The following FHIT variants were observed in gnomAD, a reference collection of about 807,000 sequenced individuals.
The protein encoded by FHIT is bis(5'-adenosyl)-triphosphatase.
In FHIT, 19 loss-of-function variants were observed where a neutral mutation model predicts 17.9. That is an observed-to-expected ratio of 1.06 (90% CI 0.74 to 1.56). The LOEUF is 1.56. Among genes scored for constraint, FHIT ranks in the 40% most tolerant of loss-of-function variants. The pLI is 0.00. For missense variants in FHIT, 248 were observed against 189.2 expected, an observed-to-expected ratio of 1.31 and a Z score of -1.82; for synonymous variants, 81 against 69.7, an observed-to-expected ratio of 1.16 and a Z score of -0.81.
intron 5 of FHIT, among the ~76,000 whole-genome samples, chr3:60,019,525 T>A (rs2106726196): frequency 6.6e-6 from 1 of 151,906 alleles, no homozygotes; most frequent in South Asian, 2.1e-4. Context: ...TTCAAGTGAT[T>A]CTCCTGCCTC....
intron 5 of FHIT, among the ~76,000 whole-genome samples, chr3:60,454,214 G>A (rs1284668585): frequency 2.0e-5 from 3 of 152,050 alleles, no homozygotes; most frequent in African/African-American, 7.2e-5. Flanking sequence ...CTTCAAGGAA[G>A]CTCCTCCAAA....
chr3:61,204,961 C>T (rs1211712693), intron 1 of FHIT, among the ~76,000 whole-genome samples: 1 of 148,222 alleles, frequency 6.7e-6, no homozygotes, highest in Non-Finnish European at 1.5e-5. Flanking sequence ...TCTCCTAATG[C>T]CATCCCACCC....
chr3:60,672,980 C>A (rs1056963112), intron 4 of FHIT, among the ~76,000 whole-genome samples: 1 of 150,566 alleles, frequency 6.6e-6, no homozygotes, highest in Non-Finnish European at 1.5e-5. Context: ...ATTATACTAT[C>A]TCATGTAAAA....
chr3:60,848,354 A>G (rs1016625204), intron 3 of FHIT, among the ~76,000 whole-genome samples: 3 of 152,084 alleles, frequency 2.0e-5, no homozygotes, highest in Non-Finnish European at 4.4e-5. Context: ...TTTTTTTGCA[A>G]TTTTAACTAA....
intron 5 of FHIT, among the ~76,000 whole-genome samples, chr3:60,131,531 GCT>G (rs1699595882): frequency 6.6e-6 from 1 of 152,070 alleles, no homozygotes; most frequent in Admixed American, 6.6e-5. Flanking sequence ...AACTGCCTAT[GCT>G]CTGTGTCCTT....
At chr3:61,102,828 A>T (rs1338045768) in intron 2 of FHIT, among the ~76,000 whole-genome samples, 2 of 152,106 alleles carry the variant, frequency 1.3e-5, no homozygotes, top group Non-Finnish European at 2.9e-5. Context: ...TAGATTTTCT[A>T]GTTTATTTGC....
rs188014355 is a variant in FHIT, at chr3:60,301,384, C to T, written c.103+235476G>A. On this transcript the variant is annotated intron_variant, in intron 5 of 9. Transcript: ENST00000492590. The stretch of plus-strand genomic sequence containing the variant: ...CAAATCTGCATTATGACTCATGAAA[C>T]AAGTACACTGTATCTCGCCAAGCTA... 3.4e-3 allele frequency among the ~76,000 whole-genome samples: 511 copies of T among 152,224 alleles called. 12 individuals are homozygous for T. In the South Asian group the frequency reaches 0.051, roughly 15 times the overall value.
At chr3:60,930,017 A>C (rs1553771240) in intron 3 of FHIT, among the ~76,000 whole-genome samples, 1 of 152,182 alleles carries the variant, frequency 6.6e-6, no homozygotes, top group African/African-American at 2.4e-5. Flanking sequence ...CAAAACAGAG[A>C]TATTGACCAA....
intron 5 of FHIT, among the ~76,000 whole-genome samples, chr3:60,455,018 C>G (rs889947131): frequency 6.6e-6 from 1 of 151,960 alleles, no homozygotes; most frequent in African/African-American, 2.4e-5. Flanking sequence ...TCTTTAGTGA[C>G]TATATTATAG....
At chr3:60,209,961 C>A (rs1703373428) in intron 5 of FHIT, among the ~76,000 whole-genome samples, 1 of 151,900 alleles carries the variant, frequency 6.6e-6, no homozygotes, top group South Asian at 2.1e-4. Context: ...GGGAGGGAAC[C>A]TAGAGGATGG....
rs564155666 is a variant in FHIT at position 60,813,533 on chromosome 3, G to A, written c.-18+8386C>T. On this transcript the variant is annotated intron_variant, in intron 4 of 9. Coordinates refer to ENST00000492590, the MANE Select transcript of FHIT (RefSeq NM_002012.4). The stretch of plus-strand genomic sequence containing the variant: ...TGGGAGGTGCTTAAACATATACAAC[G>A]CATTAAATGAAGCAAACACGTGTTG... Among the ~76,000 whole-genome samples, 6 of 152,032 alleles carry A rather than the reference G, an allele frequency of 3.9e-5. No homozygotes were observed. The South Asian group carries it at 6.2e-4, about 16-fold the overall frequency.
chr3:59,871,718 T>C (rs1054853787), intron 8 of FHIT, among the ~76,000 whole-genome samples: 1 of 152,202 alleles, frequency 6.6e-6, no homozygotes, highest in African/African-American at 2.4e-5. Flanking sequence ...TAAGACCAGA[T>C]ACACTGGATA....
intron 5 of FHIT, among the ~76,000 whole-genome samples, chr3:60,296,251 A>G (rs1708203682): frequency 6.6e-6 from 1 of 152,112 alleles, no homozygotes; most frequent in Non-Finnish European, 1.5e-5. Context: ...AAGAGGAGGA[A>G]CAGGGAAGCA....
At chr3:59,839,725 G>A (rs1012563819) in intron 8 of FHIT, among the ~76,000 whole-genome samples, 6 of 152,118 alleles carry the variant, frequency 3.9e-5, no homozygotes, top group Non-Finnish European at 8.8e-5. Context: ...ACACTGCTCA[G>A]AGAATAGCCT....
At chr3:60,901,649 C>T (rs181584248) in intron 3 of FHIT, among the ~76,000 whole-genome samples, 4 of 152,322 alleles carry the variant, frequency 2.6e-5, no homozygotes, top group Non-Finnish European at 4.4e-5. Context: ...AAGTATTACC[C>T]TCTGCTAACA....
At chr3:60,826,195 AAGGAAGGAAG>A (rs1575572086) in intron 3 of FHIT, among the ~76,000 whole-genome samples, 2 of 140,194 alleles carry the variant, frequency 1.4e-5, no homozygotes, top group East Asian at 3.9e-4. Context: ...GGAAGGAAGG[AAGGAAGGAAG>A]GAAGGAAAGA....
intron 5 of FHIT, among the ~76,000 whole-genome samples, chr3:60,171,873 T>C (rs902320311): frequency 5.7e-5 from 2 of 34,854 alleles, no homozygotes; most frequent in African/African-American, 1.8e-4. Flanking sequence ...GCCCAGCTAT[T>C]TTTTTTTTAT....
At chr3:60,379,340 C>T (rs186748396) in intron 5 of FHIT, among the ~76,000 whole-genome samples, 1 of 152,096 alleles carries the variant, frequency 6.6e-6, no homozygotes, top group Non-Finnish European at 1.5e-5. Context: ...AACCAAACCT[C>T]CCCCAAAATA....
chr3:61,170,788 G>A lies in FHIT; in HGVS notation c.-164+29829C>T, dbSNP rs2037981196. Among the ~76,000 whole-genome samples the A allele has an allele frequency of 3.9e-5, 6 of 152,100 alleles. 1 individual carries two copies. In the South Asian group the frequency reaches 1.2e-3, roughly 32 times the overall value. ...CAGTCTATCATTGATAGGCATTTAG[G>A]TTGATTCCATATCTTTGCTATTGTG... On this transcript the variant is annotated intron_variant, in intron 2 of 9. Transcript: ENST00000492590.
Sources: allele counts gnomAD v4.1 joint callset (sites outside exome capture counted in the v4.1 genomes callset), GRCh38; gene constraint gnomAD v4.1.1; transcripts MANE v1.5; gene names NCBI Gene and HGNC (gene_info 2026-07-23, HGNC 2026-07-21).